COL11A1: variants seen among roughly 807,000 people sequenced by gnomAD.
COL11A1 encodes the protein collagen type XI alpha 1 chain, also known as collagen alpha-1(XI) chain.
Under a neutral mutation model 265.2 loss-of-function variants are expected in COL11A1, and 74 were observed. The observed-to-expected ratio is 0.28, with a 90% confidence interval of 0.23 to 0.34. The LOEUF (loss-of-function observed/expected upper bound fraction) is 0.34, where lower values mean the gene tolerates loss of function less well. Among genes scored for constraint, COL11A1 ranks in the 10% least tolerant of loss-of-function variants. The pLI, the probability that COL11A1 is intolerant of heterozygous loss-of-function variation, is 1.00. For missense variants in COL11A1, 2,165 were observed against 2,263.6 expected (o/e 0.96, Z 0.88); for synonymous variants, 816 against 727.6 (o/e 1.12, Z -1.96).
At chr1:102,985,771 A>C (rs1663479788) in intron 30 of COL11A1, among the ~76,000 whole-genome samples, 2 of 152,166 alleles carry the variant, frequency 1.3e-5, no homozygotes, top group Non-Finnish European at 2.9e-5. Flanking sequence ...GATAGAGCCT[A>C]AGAAGACAGG....
At chr1:102,890,233 T>C (rs2100862601) in intron 58 of COL11A1, among the ~76,000 whole-genome samples, 1 of 152,258 alleles carries the variant, frequency 6.6e-6, no homozygotes, top group Admixed American at 6.6e-5. Flanking sequence ...TAATGGAACC[T>C]TGAGAAGATA....
rs765352070 is a variant in COL11A1, at chr1:102,939,024, A to G, written c.3438+11T>C. ...AAATAATGTTCTCTCAGTAAGAAGT[A>G]GGAAACTCACATTTTCTCCCTTGTC... On this transcript the variant is annotated intron_variant, in intron 44 of 66. Transcript: ENST00000370096. The G allele has an allele frequency of 4.2e-5, 67 of 1,611,802 alleles. No homozygotes were observed. The highest frequency in any genetic ancestry group is 2.8e-4 in the Admixed American group (17 of 59,990).
chr1:102,935,582 G>A (rs557236038), intron 44 of COL11A1, among the ~76,000 whole-genome samples: 4 of 152,116 alleles, frequency 2.6e-5, no homozygotes, highest in Non-Finnish European at 5.9e-5. Flanking sequence ...TCACATATGC[G>A]TACACATGTA....
intron 4 of COL11A1, 47 bp downstream of exon 4, chr1:103,074,571 T>G: frequency 1.9e-6 from 3 of 1,600,906 alleles, no homozygotes; most frequent in Non-Finnish European, 2.6e-6. Context: ...GTTAACCCAG[T>G]TCATCTGATT....
intron 24 of COL11A1, chr1:103,000,871 G>A (rs771380372): frequency 9.7e-6 from 3 of 310,776 alleles, no homozygotes; most frequent in Non-Finnish European, 1.8e-5. Flanking sequence ...CAACTGCCAA[G>A]TAAAAGTAAA....
In COL11A1 at chr1:102,934,575, CATT is replaced by C. The variant is rs767992829; in HGVS notation, c.3493-22_3493-20del. The C allele has an allele frequency of 1.3e-6, 2 of 1,576,720 alleles. No homozygotes were observed. The highest frequency in any genetic ancestry group is 2.2e-5 in the East Asian group (1 of 44,690). Reference sequence around the variant, plus strand: ...CACCTCCCTAGAGAAGAGAAAGAAACATTATCACAAACTGGAAAAAATCATTAC... The same window carrying C: ...CACCTCCCTAGAGAAGAGAAAGAAACATCACAAACTGGAAAAAATCATTAC... On this transcript the variant is annotated intron_variant, in intron 45 of 66. Coordinates refer to ENST00000370096, the MANE Select transcript of COL11A1 (RefSeq NM_001854.4).
rs1652793126 is a variant in COL11A1, at chr1:102,898,883, T to G, written c.4140+58A>C. The stretch of plus-strand genomic sequence containing the variant: ...AGTTTATGCATGAAATTTTCAAATA[T>G]AATACCTTGTATATATAATATATAA... On this transcript the variant is annotated intron_variant, in intron 55 of 66. Coordinates refer to ENST00000370096, the MANE Select transcript of COL11A1 (RefSeq NM_001854.4). 4 of 1,207,340 alleles carry G rather than the reference T, an allele frequency of 3.3e-6. No homozygotes were observed. The African/African-American group carries it at 4.6e-5, about 14-fold the overall frequency. 74.8% of individuals were successfully genotyped at this position (1,207,340 alleles called of 1,614,324 possible).
intron 1 of COL11A1, among the ~76,000 whole-genome samples, chr1:103,094,536 C>A (rs141340092): frequency 6.6e-6 from 1 of 151,982 alleles, no homozygotes; most frequent in African/African-American, 2.4e-5. Flanking sequence ...GCGTCTCCTG[C>A]CTCCCCTTCC....
chr1:103,022,683 G>T, intron 8 of COL11A1, 59 bp downstream of exon 8: 1 of 1,600,594 alleles, frequency 6.2e-7, no homozygotes, highest in Non-Finnish European at 8.6e-7. Context: ...GATGGACATG[G>T]ACATAAAAAT....
intron 1 of COL11A1, among the ~76,000 whole-genome samples, chr1:103,100,954 C>A (rs1259117195): frequency 6.6e-6 from 1 of 151,888 alleles, no homozygotes; most frequent in African/African-American, 2.4e-5. Context: ...TATGACAGAA[C>A]CTTGTACATA....
At chr1:102,914,618 A>G in intron 51 of COL11A1, 86 bp downstream of exon 51, 1 of 1,064,470 alleles carries the variant, frequency 9.4e-7, no homozygotes, top group Non-Finnish European at 1.4e-6. Flanking sequence ...TATGTTCCAG[A>G]GTCTCAGGAT....
At chr1:102,902,320 T>C (rs563277477) in intron 54 of COL11A1, among the ~76,000 whole-genome samples, 2 of 152,182 alleles carry the variant, frequency 1.3e-5, no homozygotes, top group African/African-American at 4.8e-5. Context: ...AAAGGCAGAG[T>C]CTTGGCATAT....
At chr1:102,986,050 T>A in intron 30 of COL11A1, among the ~76,000 whole-genome samples, 1 of 152,120 alleles carries the variant, frequency 6.6e-6, no homozygotes, top group Non-Finnish European at 1.5e-5. Flanking sequence ...CTCTATCTAA[T>A]ACCTATATCA....
Position 103,108,132 on chromosome 1 carries a change from T to C in COL11A1, c.47A>G (p.Asp16Gly). ...CAATGCGAGGGTTGTTACGGTGAAA[T>C]CCCAGAGCCACCGTTTCGTTTTCCA... ...SRWKTKRWLW[D>G]FTVTTLALTF... Residue 16 changes from aspartate to glycine, a missense_variant, in exon 1 of 67, where the codon GAT becomes GGT. Physicochemically the swap from Asp to Gly is moderately conservative, Grantham distance 94. Coordinates refer to ENST00000370096, the MANE Select transcript of COL11A1 (RefSeq NM_001854.4). The C allele has an allele frequency of 1.2e-6, 2 of 1,613,640 alleles. No individual in the cohort carries two copies. The highest frequency in any genetic ancestry group is 1.7e-6 in the Non-Finnish European group (2 of 1,179,922).
At chr1:103,005,927 TCATCAC>T (rs961759349) in intron 17 of COL11A1, 36 bp from the exon 18 acceptor site, 20 of 1,605,042 alleles carry the variant, frequency 1.2e-5, no homozygotes, top group South Asian at 4.4e-5. Flanking sequence ...ATCATCATCA[TCATCAC>T]AATTCCAGTC....
At chr1:102,909,724 T>G (rs896314172) in intron 54 of COL11A1, among the ~76,000 whole-genome samples, 1 of 151,990 alleles carries the variant, frequency 6.6e-6, no homozygotes, top group Non-Finnish European at 1.5e-5. Context: ...TCAAAACTAC[T>G]TCGGTGTTGT....
At chr1:102,999,238 T>C (rs1664900054) in intron 24 of COL11A1, among the ~76,000 whole-genome samples, 1 of 152,106 alleles carries the variant, frequency 6.6e-6, no homozygotes, top group South Asian at 2.1e-4. Context: ...TGTATTCATA[T>C]TGCCTGCCAT....
intron 56 of COL11A1, 83 bp downstream of exon 56, chr1:102,898,583 C>T: frequency 5.0e-6 from 5 of 999,084 alleles, no homozygotes; most frequent in South Asian, 2.8e-5. Flanking sequence ...TGAAATAATG[C>T]TAACATAGAC....
intron 4 of COL11A1, among the ~76,000 whole-genome samples, chr1:103,036,204 G>A (rs1422627787): frequency 1.3e-5 from 2 of 151,088 alleles, no homozygotes; most frequent in African/African-American, 4.8e-5. Flanking sequence ...TGAATGCACT[G>A]AGAGATAATA....
Sources: allele counts gnomAD v4.1 joint callset (sites outside exome capture counted in the v4.1 genomes callset), GRCh38; gene constraint gnomAD v4.1.1; transcripts MANE v1.5; gene names NCBI Gene and HGNC (gene_info 2026-07-23, HGNC 2026-07-21).